Variants in GRIA1 observed in about 807,000 individuals in gnomAD.
GRIA1 encodes the protein glutamate receptor 1.
A neutral mutation model predicts 99.2 loss-of-function variants in GRIA1; 31 were observed. That is an observed-to-expected ratio of 0.31 (90% confidence interval 0.23 to 0.42). The LOEUF is 0.42. Ranked by LOEUF, GRIA1 falls within the 10% of genes least tolerant of loss-of-function variation. The pLI, the probability that GRIA1 is intolerant of heterozygous loss-of-function variation, is 1.00. For synonymous variants in GRIA1, 438 were observed against 432.4 expected, an observed-to-expected ratio of 1.01 and a Z score of -0.16; for missense variants, 782 against 1,157.5, an observed-to-expected ratio of 0.68 and a Z score of 4.71.
chr5:153,686,485 G>A (rs1757349544), intron 8 of GRIA1, among the ~76,000 whole-genome samples, 156 bp downstream of exon 8: 1 of 152,138 alleles, frequency 6.6e-6, no homozygotes, highest in African/African-American at 2.4e-5. Context: ...CTAACCAGCT[G>A]GGACATTGGG....
At chr5:153,685,263 A>G (rs565170945) in intron 7 of GRIA1, among the ~76,000 whole-genome samples, 2 of 152,310 alleles carry the variant, frequency 1.3e-5, no homozygotes, top group East Asian at 3.9e-4. Flanking sequence ...ACACAGCTAG[A>G]CTCAGACTCA....
intron 2 of GRIA1, among the ~76,000 whole-genome samples, chr5:153,566,095 A>G (rs1052645193): frequency 6.6e-6 from 1 of 151,974 alleles, no homozygotes; most frequent in African/African-American, 2.4e-5. Context: ...CTCACCAGCA[A>G]TATATGAGGG....
chr5:153,721,896 C>T (rs892301805), intron 11 of GRIA1, among the ~76,000 whole-genome samples: 1 of 152,072 alleles, frequency 6.6e-6, no homozygotes, highest in East Asian at 1.9e-4. Flanking sequence ...CCTGGGTCAA[C>T]TTATATATAT....
Position 153,779,646 on chromosome 5 carries a change from C to T in GRIA1, c.2270+9231C>T, listed in dbSNP as rs137857148. Among the ~76,000 whole-genome samples, 1,140 of 152,248 alleles carry T rather than the reference C, an allele frequency of 7.5e-3. 5 individuals carry two copies. The highest frequency in any genetic ancestry group is 0.015 in the South Asian group (74 of 4,820). ...CGCAATCTCAGCTCACTGCAACCTC[C>T]GCCTCCTGGAGGTTCACGTGATTCT... is the stretch of plus-strand genomic sequence containing the variant. On this transcript the variant is annotated intron_variant, in intron 13 of 15. Coordinates refer to ENST00000285900, the MANE Select transcript of GRIA1 (RefSeq NM_000827.4).
intron 2 of GRIA1, among the ~76,000 whole-genome samples, chr5:153,564,201 T>C (rs970758764): frequency 9.9e-5 from 15 of 152,152 alleles, no homozygotes; most frequent in Admixed American, 2.6e-4. Context: ...TAAACTGTTA[T>C]TGGAGCAGCA....
chr5:153,548,904 AATAGGCATTCACACT>A (rs2113530049), intron 2 of GRIA1, among the ~76,000 whole-genome samples: 1 of 152,306 alleles, frequency 6.6e-6, no homozygotes, highest in South Asian at 2.1e-4. Flanking sequence ...CATGTTAATA[AATAGGCATTCACACT>A]AGCTCTTAAA....
At chr5:153,785,787 T>C (rs1365109219) in intron 13 of GRIA1, among the ~76,000 whole-genome samples, 1 of 152,224 alleles carries the variant, frequency 6.6e-6, no homozygotes, top group Admixed American at 6.5e-5. Flanking sequence ...AGTTGTCCCA[T>C]GAACAACATC....
chr5:153,703,145 T>C (rs570372888), intron 10 of GRIA1, among the ~76,000 whole-genome samples: 2 of 152,334 alleles, frequency 1.3e-5, no homozygotes, highest in South Asian at 4.1e-4. Context: ...TCTCTAGATA[T>C]GAGTTTCTTA....
At chr5:153,587,670 C>A (rs58313410) in intron 2 of GRIA1, among the ~76,000 whole-genome samples, 1 of 152,292 alleles carries the variant, frequency 6.6e-6, no homozygotes, top group East Asian at 1.9e-4. Context: ...TCATTCTGGT[C>A]CAAGATATGG....
intron 2 of GRIA1, among the ~76,000 whole-genome samples, chr5:153,508,667 G>A (rs541611973): frequency 6.6e-6 from 1 of 152,320 alleles, no homozygotes; most frequent in African/African-American, 2.4e-5. Context: ...AAAGATTACT[G>A]TGGCTCCTCT....
At chr5:153,528,277 G>T (rs971875159) in intron 2 of GRIA1, among the ~76,000 whole-genome samples, 2 of 152,038 alleles carry the variant, frequency 1.3e-5, no homozygotes, top group African/African-American at 4.8e-5. Flanking sequence ...TCCAGAATAT[G>T]TTTTTGGGTT....
At chr5:153,705,631 G>T in intron 10 of GRIA1, 66 bp from the exon 11 acceptor site, 1 of 1,399,974 alleles carries the variant, frequency 7.1e-7, no homozygotes, top group Non-Finnish European at 9.2e-7. Flanking sequence ...AGAAAAACAA[G>T]AGAATGAAAA....
At chr5:153,600,063 A>T (rs1021998390) in intron 2 of GRIA1, among the ~76,000 whole-genome samples, 2 of 152,090 alleles carry the variant, frequency 1.3e-5, no homozygotes, top group East Asian at 3.9e-4. Context: ...CAGAGAGTCT[A>T]CAGTGAGAGC....
At chr5:153,647,879 TC>T (rs1193594298) in intron 3 of GRIA1, among the ~76,000 whole-genome samples, 1 of 152,202 alleles carries the variant, frequency 6.6e-6, no homozygotes. Context: ...CCAATTTACA[TC>T]TGTAAATCCT....
chr5:153,654,940 G>A (rs934491956), intron 4 of GRIA1, among the ~76,000 whole-genome samples: 1 of 152,168 alleles, frequency 6.6e-6, no homozygotes, highest in Non-Finnish European at 1.5e-5. Context: ...AAACTTCTGG[G>A]CAGTTCTTTC....
intron 2 of GRIA1, among the ~76,000 whole-genome samples, chr5:153,605,764 A>G (rs532342898): frequency 6.6e-6 from 1 of 152,164 alleles, no homozygotes; most frequent in Non-Finnish European, 1.5e-5. Context: ...TCATGTGCTT[A>G]TTGAAATGCT....
At chr5:153,494,533 A>T (rs1754227779) in intron 2 of GRIA1, among the ~76,000 whole-genome samples, 1 of 152,208 alleles carries the variant, frequency 6.6e-6, no homozygotes, top group African/African-American at 2.4e-5. Flanking sequence ...CTGGTTCTTC[A>T]TTTTCGGAAG....
chr5:153,498,500 A>C (rs1340356191), intron 2 of GRIA1, among the ~76,000 whole-genome samples: 1 of 152,222 alleles, frequency 6.6e-6, no homozygotes, highest in Non-Finnish European at 1.5e-5. Flanking sequence ...AGCCTCAATG[A>C]CAATAGGTGA....
intron 2 of GRIA1, among the ~76,000 whole-genome samples, chr5:153,643,661 C>T (rs1231650508): frequency 6.6e-6 from 1 of 152,136 alleles, no homozygotes; most frequent in East Asian, 1.9e-4. Flanking sequence ...ACTCTGGGAG[C>T]CAGGGTTCAC....
Sources: gnomAD v4.1 joint callset for allele counts (sites outside exome capture counted in the v4.1 genomes callset) on GRCh38, gnomAD v4.1.1 for gene constraint, MANE v1.5 for transcripts, NCBI Gene and HGNC (gene_info 2026-07-23, HGNC 2026-07-21) for gene names.